ATF2: variants seen among roughly 807,000 people sequenced by gnomAD.
The protein encoded by ATF2 is cyclic AMP-dependent transcription factor ATF-2.
In ATF2, 24 loss-of-function variants were observed where a neutral mutation model predicts 60.6. The ratio of observed to expected loss-of-function variants is 0.40; its 90% CI spans 0.29 to 0.56. The LOEUF (loss-of-function observed/expected upper bound fraction) is 0.56. Ranked by LOEUF, ATF2 falls within the 20% of genes least tolerant of loss-of-function variation. The pLI is 0.54. For missense variants in ATF2, 433 were observed against 607.7 expected (o/e 0.71, Z 3.02); for synonymous variants, 206 against 215.4 (o/e 0.96, Z 0.38).
chr2:175,099,573 C>T (rs2105618020), intron 10 of ATF2, among the ~76,000 whole-genome samples: 1 of 152,286 alleles, frequency 6.6e-6, no homozygotes, highest in African/African-American at 2.4e-5. Flanking sequence ...TTTGTCTCTT[C>T]CAGAAGATCA....
intron 1 of ATF2, among the ~76,000 whole-genome samples, chr2:175,162,681 T>C (rs1700097448): frequency 6.6e-6 from 1 of 152,096 alleles, no homozygotes; most frequent in Non-Finnish European, 1.5e-5. Context: ...CATGGAAAAA[T>C]ACAATGCTAT....
At chr2:175,167,735 G>A (rs778931559) in intron 1 of ATF2, 4 of 477,854 alleles carry the variant, frequency 8.4e-6, no homozygotes, top group South Asian at 6.2e-5. Context: ...CGGAGGGAGG[G>A]GTCTAAGAGG....
chr2:175,141,360 G>A (rs1177421680), intron 2 of ATF2, among the ~76,000 whole-genome samples: 9 of 151,936 alleles, frequency 5.9e-5, no homozygotes, highest in Admixed American at 5.9e-4. Flanking sequence ...CCTACTGGCA[G>A]GGGCTTAATA....
At chr2:175,118,854 T>C (rs1471703897) in intron 5 of ATF2, among the ~76,000 whole-genome samples, 2 of 151,428 alleles carry the variant, frequency 1.3e-5, no homozygotes, top group East Asian at 3.9e-4. Flanking sequence ...AATAGGTAGA[T>C]AAAAATATTG....
In ATF2 at chr2:175,072,780, T is replaced by C. The variant is rs1693022871; in HGVS notation, c.*1829A>G. ...TTAAAATAATGAAATTAGTTAAAAA[T>C]TAAAAATTTAAAAAAAATTATCAAA... On this transcript the variant is annotated 3_prime_UTR_variant, in exon 14 of 14. Transcript: ENST00000264110. The C allele has an allele frequency of 6.6e-6, 1 of 152,064 alleles. No individual in the cohort carries two copies. Among genetic ancestry groups the C allele is most frequent in the African/African-American group, 2.4e-5 (1 of 41,438 alleles). The allele number at this position is 152,064 out of a possible 1,614,324, so 9.4% of individuals were successfully genotyped here. A position where few individuals can be genotyped will look rare whatever the true frequency, so the allele number is the denominator to read the frequency against.
intron 3 of ATF2, among the ~76,000 whole-genome samples, chr2:175,133,905 A>C (rs724521): frequency 9.7e-4 from 147 of 152,330 alleles, no homozygotes; most frequent in Non-Finnish European, 1.7e-3. Context: ...AAAAGGAGCA[A>C]ACAGTTATTT....
chr2:175,162,036 C>T (rs572401241), intron 1 of ATF2, among the ~76,000 whole-genome samples: 47 of 152,316 alleles, frequency 3.1e-4, no homozygotes, highest in Middle Eastern at 6.8e-3. Context: ...GGTGGGATTA[C>T]AGGCATGAGC....
intron 3 of ATF2, among the ~76,000 whole-genome samples, chr2:175,130,687 A>G (rs1697666357): frequency 6.6e-6 from 1 of 152,148 alleles, no homozygotes. Context: ...AAACTCTTAA[A>G]TCCCTTCTTA....
intron 2 of ATF2, among the ~76,000 whole-genome samples, chr2:175,137,615 T>C (rs1698229342): frequency 6.6e-6 from 1 of 152,158 alleles, no homozygotes; most frequent in Non-Finnish European, 1.5e-5. Flanking sequence ...ATTAATTTGG[T>C]AGGAATAAGA....
chr2:175,089,219 A>G (rs1047552533), intron 12 of ATF2, among the ~76,000 whole-genome samples: 1 of 152,130 alleles, frequency 6.6e-6, no homozygotes, highest in Non-Finnish European at 1.5e-5. Context: ...ACAGTATTCA[A>G]TTTTTGGTCT....
chr2:175,155,507 A>G (rs1699614857), intron 1 of ATF2, among the ~76,000 whole-genome samples: 1 of 152,208 alleles, frequency 6.6e-6, no homozygotes, highest in Non-Finnish European at 1.5e-5. Context: ...AACAATTTTC[A>G]TTTAATGATT....
At chr2:175,144,083 T>C (rs1229142065) in intron 2 of ATF2, among the ~76,000 whole-genome samples, 1 of 152,130 alleles carries the variant, frequency 6.6e-6, no homozygotes, top group African/African-American at 2.4e-5. Context: ...CATGAGGCAC[T>C]GCACCTGATT....
intron 12 of ATF2, among the ~76,000 whole-genome samples, chr2:175,087,078 AT>A (rs1694221199): frequency 6.6e-6 from 1 of 152,170 alleles, no homozygotes; most frequent in Non-Finnish European, 1.5e-5. Context: ...TGAAAAAAAA[AT>A]GTATACCTCT....
chr2:175,157,752 T>C (rs753299124), intron 1 of ATF2, among the ~76,000 whole-genome samples: 1 of 152,142 alleles, frequency 6.6e-6, no homozygotes, highest in Non-Finnish European at 1.5e-5. Context: ...CCCAGCACTT[T>C]GGGAGGCCAA....
At chr2:175,080,608 AC>A (rs1693696607) in intron 13 of ATF2, 51 bp downstream of exon 13, 7 of 1,373,574 alleles carry the variant, frequency 5.1e-6, no homozygotes. Flanking sequence ...GTTCACTCTG[AC>A]GGTATTTCAC....
intron 3 of ATF2, among the ~76,000 whole-genome samples, chr2:175,133,048 C>T (rs1011185753): frequency 2.7e-5 from 4 of 150,920 alleles, no homozygotes; most frequent in African/African-American, 4.9e-5. Flanking sequence ...GAGACTGTAC[C>T]ACTGCACTCC....
chr2:175,116,462 G>C (rs1696577203), intron 7 of ATF2, among the ~76,000 whole-genome samples: 2 of 152,010 alleles, frequency 1.3e-5, no homozygotes, highest in African/African-American at 4.8e-5. Context: ...GACCTATTAA[G>C]TTTAAGATGT....
chr2:175,132,815 G>T (rs1697830060), intron 3 of ATF2: 1 of 152,182 alleles, frequency 6.6e-6, no homozygotes, highest in Admixed American at 6.6e-5. Flanking sequence ...GCCAGGTGTG[G>T]TGGCTCATGC....
intron 3 of ATF2, among the ~76,000 whole-genome samples, chr2:175,134,762 T>C (rs570800353): frequency 2.1e-4 from 32 of 152,034 alleles, no homozygotes; most frequent in South Asian, 6.2e-4. Flanking sequence ...GGTGGGAGGA[T>C]GGCTTGAGCC....
Sources: gnomAD v4.1 joint callset for allele counts (sites outside exome capture counted in the v4.1 genomes callset) on GRCh38, gnomAD v4.1.1 for gene constraint, MANE v1.5 for transcripts, NCBI Gene and HGNC (gene_info 2026-07-23, HGNC 2026-07-21) for gene names.